SLC25A12: variants seen among roughly 807,000 people sequenced by gnomAD.
The protein encoded by SLC25A12 is solute carrier family 25 member 12.
SLC25A12 carries 32 observed loss-of-function variants against 83.3 expected under a neutral mutation model. That is an observed-to-expected ratio of 0.38 (90% CI 0.29 to 0.52). The LOEUF (loss-of-function observed/expected upper bound fraction) is 0.52. SLC25A12 is among the 20% of genes least tolerant of loss of function. The pLI is 0.84. For missense variants in SLC25A12, 611 were observed against 835.6 expected, an observed-to-expected ratio of 0.73 and a Z score of 3.31; for synonymous variants, 267 against 291.1, an observed-to-expected ratio of 0.92 and a Z score of 0.84.
intron 3 of SLC25A12, among the ~76,000 whole-genome samples, chr2:171,858,111 T>A (rs375386894): frequency 6.6e-6 from 1 of 152,060 alleles, no homozygotes; most frequent in Non-Finnish European, 1.5e-5. Flanking sequence ...TTCCATACCA[T>A]CTTGCTGCTC....
chr2:171,885,671 CAATA>C (rs67489934), intron 2 of SLC25A12, among the ~76,000 whole-genome samples: 121,830 of 149,364 alleles, frequency 0.82, 50,691 homozygotes, highest in Non-Finnish European at 0.91. Context: ...AACTCTGTCT[CAATA>C]AATAAATAAA....
chr2:171,797,613 T>C (rs1438939623), intron 13 of SLC25A12, among the ~76,000 whole-genome samples: 1 of 152,210 alleles, frequency 6.6e-6, no homozygotes, highest in Non-Finnish European at 1.5e-5. Flanking sequence ...AAGTCTTCTC[T>C]CGCATATTCT....
chr2:171,859,742 A>G (rs1423761297), intron 3 of SLC25A12, among the ~76,000 whole-genome samples: 1 of 151,660 alleles, frequency 6.6e-6, no homozygotes, highest in African/African-American at 2.4e-5. Flanking sequence ...GAATGATAAA[A>G]ACGTTCTGCA....
rs190624798 is a variant in SLC25A12, at chr2:171,884,627, T to C, written c.66+8578A>G. Among the ~76,000 whole-genome samples, 907 of 151,702 alleles carry C rather than the reference T, an allele frequency of 6.0e-3. 7 individuals are homozygous for C. The highest frequency in any genetic ancestry group is 0.019 in the African/African-American group (768 of 41,394). ...CTCTACTAAAAATACAAAAAAAATT[T>C]AGCCAGGTGTGGTGGTGCACATCTG... On this transcript the variant is annotated intron_variant, in intron 2 of 17. Transcript: ENST00000422440.
At chr2:171,883,215 A>G (rs536346392) in intron 2 of SLC25A12, among the ~76,000 whole-genome samples, 2 of 152,240 alleles carry the variant, frequency 1.3e-5, no homozygotes, top group Non-Finnish European at 2.9e-5. Context: ...AACTTAGAAG[A>G]GAAGGAAAGA....
intron 3 of SLC25A12, among the ~76,000 whole-genome samples, chr2:171,861,322 T>C (rs1362073295): frequency 6.6e-6 from 1 of 152,144 alleles, no homozygotes; most frequent in Non-Finnish European, 1.5e-5. Flanking sequence ...ATTATATACT[T>C]ACTGCATTAT....
intron 10 of SLC25A12, among the ~76,000 whole-genome samples, chr2:171,814,418 A>T (rs1033185665): frequency 1.3e-5 from 2 of 152,096 alleles, no homozygotes; most frequent in African/African-American, 4.8e-5. Context: ...AGAAAAGCAA[A>T]ACTGGGTCAC....
At chr2:171,794,334 C>T (rs1302705065) in intron 13 of SLC25A12, among the ~76,000 whole-genome samples, 4 of 152,100 alleles carry the variant, frequency 2.6e-5, no homozygotes, top group Non-Finnish European at 4.4e-5. Flanking sequence ...AATGTATTAT[C>T]CTAAGCAAAA....
rs188849716 is a variant in SLC25A12 at position 171,870,070 on chromosome 2, T to C, written c.67-1247A>G. On this transcript the variant is annotated intron_variant, in intron 2 of 17. Coordinates refer to ENST00000422440, the MANE Select transcript of SLC25A12 (RefSeq NM_003705.5). ...AATGTGTCACAAGGGAAAGAATCTTTGTCTAATTTGTTTACTAATATATCC... is the reference window on the plus strand; with the variant it reads ...AATGTGTCACAAGGGAAAGAATCTTCGTCTAATTTGTTTACTAATATATCC... Among the ~76,000 whole-genome samples the C allele has an allele frequency of 1.5e-3, 222 of 152,340 alleles. 2 individuals are homozygous for C. Among genetic ancestry groups the C allele is most frequent in the African/African-American group, 5.3e-3 (221 of 41,584 alleles).
intron 2 of SLC25A12, among the ~76,000 whole-genome samples, chr2:171,890,477 CTG>C (rs34728188): frequency 0.38 from 55,865 of 148,854 alleles, 10,725 homozygotes; most frequent in East Asian, 0.74. Context: ...TCGTGTGTGT[CTG>C]TGTGTGTGTG....
chr2:171,857,199 C>A (rs887465311), intron 3 of SLC25A12, among the ~76,000 whole-genome samples: 7 of 151,762 alleles, frequency 4.6e-5, no homozygotes, highest in Non-Finnish European at 1.0e-4. Context: ...GACTCCACCT[C>A]TACAAAAAGT....
chr2:171,820,555 C>T (rs1202303225), intron 9 of SLC25A12, among the ~76,000 whole-genome samples: 2 of 138,230 alleles, frequency 1.4e-5, no homozygotes, highest in Non-Finnish European at 3.2e-5. Context: ...GGTGAAACCC[C>T]GTCTCTACTA....
intron 11 of SLC25A12, among the ~76,000 whole-genome samples, chr2:171,813,047 C>T (rs1007863013): frequency 2.0e-5 from 3 of 151,918 alleles, no homozygotes; most frequent in Admixed American, 6.6e-5. Flanking sequence ...CAGATATGTG[C>T]CTTGGTTTGT....
chr2:171,833,976 A>G lies in SLC25A12; in HGVS notation c.832T>C (p.Tyr278His), dbSNP rs891832225. 9.5e-6 allele frequency: 15 copies of G among 1,579,116 alleles called. No homozygotes were observed. Among genetic ancestry groups the G allele is most frequent in the South Asian group, 2.2e-5 (2 of 90,362 alleles). ...TGAAATACTTACCCTGAAGCATTAT[A>G]TAAGTCTGCAAGCTGATATAGAATA... ...IDILYQLADLYNASGRLTLAD... is the reference protein window; with the variant it reads ...IDILYQLADLHNASGRLTLAD... The change falls in exon 8 of 18, where the codon TAT (tyrosine) becomes CAT (histidine). Residue 278 changes from tyrosine (Y) to histidine (H), a missense_variant. Physicochemically the swap from Tyr to His is moderately conservative, Grantham distance 83. This residue lies in a region of SLC25A12 where 540 missense variants were observed against 777.5 expected (regional missense o/e 0.69). Transcript: ENST00000422440.
chr2:171,794,757 A>G (rs1683563281), intron 13 of SLC25A12, among the ~76,000 whole-genome samples: 2 of 152,216 alleles, frequency 1.3e-5, no homozygotes, highest in Non-Finnish European at 2.9e-5. Flanking sequence ...AGCTGTTTAT[A>G]TTATGTAATC....
intron 2 of SLC25A12, among the ~76,000 whole-genome samples, chr2:171,876,815 A>G (rs1558942074): frequency 6.6e-6 from 1 of 152,210 alleles, no homozygotes; most frequent in Non-Finnish European, 1.5e-5. Context: ...CTATACTCCA[A>G]GTAACTTTAG....
At chr2:171,882,162 T>A (rs569113816) in intron 2 of SLC25A12, among the ~76,000 whole-genome samples, 3 of 152,268 alleles carry the variant, frequency 2.0e-5, no homozygotes, top group African/African-American at 7.2e-5. Context: ...CCTTATATGC[T>A]ATACATAAAC....
intron 17 of SLC25A12, among the ~76,000 whole-genome samples, chr2:171,787,063 G>A (rs918348238): frequency 6.6e-5 from 10 of 152,360 alleles, no homozygotes; most frequent in African/African-American, 2.2e-4. Flanking sequence ...CTCCTGGCTA[G>A]GCACGGTAGC....
Position 171,813,642 on chromosome 2 carries a change from C to G in SLC25A12, c.1013-145G>C, listed in dbSNP as rs993823283. The G allele has an allele frequency of 1.1e-5, 10 of 923,918 alleles. No individual in the cohort carries two copies. The Admixed American group carries it at 2.0e-4, about 19-fold the overall frequency. The allele number at this position is 923,918 out of a possible 1,614,324, so 57.2% of individuals were successfully genotyped here. On this transcript the variant is annotated intron_variant, in intron 10 of 17. Coordinates refer to ENST00000422440, the MANE Select transcript of SLC25A12 (RefSeq NM_003705.5). ...GAGAGTTTATTATTTTTCTTTCCCT[C>G]ACAAACACCTTAGGGATAGCAGGCT... is the stretch of plus-strand genomic sequence containing the variant.
Sources: allele counts gnomAD v4.1 joint callset (sites outside exome capture counted in the v4.1 genomes callset), GRCh38; gene constraint gnomAD v4.1.1; regional missense constraint gnomAD v4.1.1; transcripts MANE v1.5; gene names NCBI Gene and HGNC (gene_info 2026-07-23, HGNC 2026-07-21).